Variants in CALU observed in about 807,000 individuals in gnomAD.
CALU encodes calumenin, also known as IEF SSP 9302.
Under a neutral mutation model 37.5 loss-of-function variants are expected in CALU, and 13 were observed. That is an observed-to-expected ratio of 0.35 (90% CI 0.23 to 0.55). CALU has a LOEUF of 0.55. Ranked by LOEUF, CALU falls within the 20% of genes least tolerant of loss-of-function variation. The pLI, the probability that CALU is intolerant of heterozygous loss-of-function variation, is 0.89. For synonymous variants in CALU, 114 were observed against 133.8 expected (o/e 0.85, Z 1.02); for missense variants, 282 against 391.7 (o/e 0.72, Z 2.36).
rs371269786 is a variant in CALU, at chr7:128,760,882, G to A, written c.643+1030G>A. Among the ~76,000 whole-genome samples the A allele has an allele frequency of 6.2e-4, 94 of 152,240 alleles. 2 individuals carry two copies. In the East Asian group the frequency reaches 0.016, roughly 27 times the overall value. ...GAGATCATGCCACTGCACTCCAGCC[G>A]GGGCTACAGAGCGAGACTCCGTCTC... On this transcript the variant is annotated intron_variant, in intron 5 of 6. Transcript: ENST00000249364.
intron 5 of CALU, among the ~76,000 whole-genome samples, chr7:128,762,043 ATTT>A (rs11327311): frequency 2.0e-5 from 3 of 148,530 alleles, no homozygotes; most frequent in Admixed American, 1.3e-4. Flanking sequence ...TCCTAAACTG[ATTT>A]TTTTTTTTTT....
intron 3 of CALU, among the ~76,000 whole-genome samples, chr7:128,756,920 AT>A (rs1302904216): frequency 3.9e-5 from 6 of 152,156 alleles, no homozygotes; most frequent in Non-Finnish European, 7.3e-5. Context: ...TACAAAAAAA[AT>A]ATTAAAAATT....
Position 128,772,605 on chromosome 7 carries a change from C to G in CALU, c.*3438C>G, listed in dbSNP as rs545093905. 3.1e-6 allele frequency: 5 copies of G among 1,614,168 alleles called. No individual in the cohort carries two copies. The highest frequency in any genetic ancestry group is 2.5e-6 in the Non-Finnish European group (3 of 1,180,016). On this transcript the variant is annotated 3_prime_UTR_variant, in exon 7 of 7. Transcript: ENST00000249364. ...TCTGTTTTCTGGGAGCTGCATGTGT[C>G]GGATTCATCTGTCATGGCCTTCCCA...
chr7:128,768,434 T>C (rs1801414432), intron 6 of CALU, among the ~76,000 whole-genome samples: 2 of 152,222 alleles, frequency 1.3e-5, no homozygotes, highest in South Asian at 4.1e-4. Context: ...ATGTTCCATA[T>C]TTTCCTCTAA....
At chr7:128,760,924 A>T (rs1216678168) in intron 5 of CALU, among the ~76,000 whole-genome samples, 1 of 152,028 alleles carries the variant, frequency 6.6e-6, no homozygotes, top group East Asian at 1.9e-4. Context: ...ACAAACAAAA[A>T]AAAGAGTTGC....
In CALU at chr7:128,748,086, C is replaced by T. The variant is rs558340621; in HGVS notation, c.-11-487C>T. 8.2e-5 allele frequency: 26 copies of T among 316,408 alleles called. 1 individual carries two copies. The South Asian group carries it at 1.7e-3, about 21-fold the overall frequency. The allele number at this position is 316,408 out of a possible 1,614,324, so 19.6% of individuals were successfully genotyped here. The stretch of plus-strand genomic sequence containing the variant: ...ATCACCTGAAAAACATTTAAAGCTA[C>T]GAATGTCTGAATTCAGCTTCAGAGA... On this transcript the variant is annotated intron_variant, in intron 1 of 6. Coordinates refer to ENST00000249364, the MANE Select transcript of CALU (RefSeq NM_001219.5).
chr7:128,766,555 A>G (rs981703830), intron 5 of CALU, among the ~76,000 whole-genome samples: 6 of 149,902 alleles, frequency 4.0e-5, no homozygotes, highest in African/African-American at 1.5e-4. Context: ...CAGCCTCTCG[A>G]GTAGCTGGGA....
chr7:128,756,230 T>C (rs1192446520), intron 3 of CALU, among the ~76,000 whole-genome samples: 1 of 152,086 alleles, frequency 6.6e-6, no homozygotes, highest in African/African-American at 2.4e-5. Context: ...AACAAAATGG[T>C]GTGTAAATAA....
In CALU at chr7:128,771,320, G is replaced by C. The variant is rs1801554295; in HGVS notation, c.*2153G>C. 1 of 152,608 alleles carries C rather than the reference G, an allele frequency of 6.6e-6. No individual in the cohort carries two copies. Among genetic ancestry groups the C allele is most frequent in the Non-Finnish European group, 1.5e-5 (1 of 68,044 alleles). 9.5% of individuals were successfully genotyped at this position (152,608 alleles called of 1,614,324 possible). ...TTTGTTTAAATCAAGCCTGAGGCTG[G>C]TGAACAGTAGCTACACACCCATATT... On this transcript the variant is annotated 3_prime_UTR_variant, in exon 7 of 7. Transcript: ENST00000249364.
intron 3 of CALU, 106 bp from the exon 4 acceptor site, chr7:128,758,765 T>G: frequency 3.8e-6 from 3 of 795,506 alleles, no homozygotes; most frequent in Non-Finnish European, 6.2e-6. Flanking sequence ...ATCAATTATT[T>G]CTTCCTTGCA....
chr7:128,758,268 A>G (rs895557721), intron 3 of CALU, among the ~76,000 whole-genome samples: 5 of 152,168 alleles, frequency 3.3e-5, no homozygotes, highest in Admixed American at 1.3e-4. Flanking sequence ...GTGGCATTCT[A>G]TTGCTTGAAT....
rs192367909 is a variant in CALU at position 128,750,099 on chromosome 7, G to A, written c.221+1295G>A. ...AAAAATTAGCCGGGCGTGGTGGCGC[G>A]TGCCTGTAGTCCCAGCTACTTGGGA... On this transcript the variant is annotated intron_variant, in intron 2 of 6. Transcript: ENST00000249364. Among the ~76,000 whole-genome samples the A allele has an allele frequency of 9.0e-3, 1,360 of 151,658 alleles. 21 individuals are homozygous for A. Among genetic ancestry groups the A allele is most frequent in the African/African-American group, 0.031 (1,294 of 41,328 alleles).
At chr7:128,758,098 C>T (rs1001100510) in intron 3 of CALU, among the ~76,000 whole-genome samples, 1 of 152,032 alleles carries the variant, frequency 6.6e-6, no homozygotes, top group African/African-American at 2.4e-5. Flanking sequence ...TTCTCATTCT[C>T]GCCATTCCCC....
intron 1 of CALU, among the ~76,000 whole-genome samples, chr7:128,745,754 AGGG>A (rs1366006604): frequency 6.6e-6 from 1 of 152,166 alleles, no homozygotes; most frequent in Non-Finnish European, 1.5e-5. Context: ...GAATTATTGG[AGGG>A]TCAGCCAGAG....
At chr7:128,767,013 A>G (rs1245674123) in intron 5 of CALU, among the ~76,000 whole-genome samples, 3 of 152,136 alleles carry the variant, frequency 2.0e-5, no homozygotes, top group African/African-American at 7.2e-5. Context: ...ACTCCTTGAC[A>G]GTGTTCCTGT....
intron 5 of CALU, among the ~76,000 whole-genome samples, chr7:128,763,164 T>A (rs1801189787): frequency 6.6e-6 from 1 of 152,216 alleles, no homozygotes; most frequent in African/African-American, 2.4e-5. Context: ...TCTAAAAACA[T>A]TTTTTTAAAG....
At chr7:128,766,645 T>A (rs773261674) in intron 5 of CALU, among the ~76,000 whole-genome samples, 10 of 152,006 alleles carry the variant, frequency 6.6e-5, no homozygotes, top group Non-Finnish European at 1.2e-4. Context: ...GCCAGGCTGG[T>A]CTCAAATTCC....
intron 5 of CALU, among the ~76,000 whole-genome samples, chr7:128,763,077 C>A (rs6957877): frequency 0.055 from 8,366 of 152,256 alleles, 767 homozygotes; most frequent in African/African-American, 0.19. Flanking sequence ...TTCCTTCTTA[C>A]TTTGAAGTAA....
At chr7:128,755,309 C>CAAAAAAAAAAAAAAAAAAAAAAAAA in intron 3 of CALU, among the ~76,000 whole-genome samples, 1 of 51,526 alleles carries the variant, frequency 1.9e-5, no homozygotes, top group Non-Finnish European at 3.8e-5. Context: ...GAGCTCTGTC[C>CAAAAAAAAAAAAAAAAAAAAAAAAA]AAAAAAAAAA....
Sources: gnomAD v4.1 joint callset for allele counts (sites outside exome capture counted in the v4.1 genomes callset) on GRCh38, gnomAD v4.1.1 for gene constraint, MANE v1.5 for transcripts, NCBI Gene and HGNC (gene_info 2026-07-23, HGNC 2026-07-21) for gene names.